ASH2L: variants seen among roughly 807,000 people sequenced by gnomAD.
ASH2L encodes ASH2 like, histone lysine methyltransferase complex subunit, also known as set1/Ash2 histone methyltransferase complex subunit ASH2.
Under a neutral mutation model 81.1 loss-of-function variants are expected in ASH2L, and 30 were observed. The observed-to-expected ratio is 0.37, with a 90% confidence interval of 0.28 to 0.50. ASH2L has a LOEUF of 0.50. ASH2L is among the 20% of genes least tolerant of loss of function. ASH2L has a pLI of 0.95. For synonymous variants in ASH2L, 273 were observed against 279.9 expected (o/e 0.98, Z 0.24); for missense variants, 559 against 792.1 (o/e 0.71, Z 3.53).
At chr8:38,131,670 T>A (rs942374788) in intron 12 of ASH2L, among the ~76,000 whole-genome samples, 1 of 152,088 alleles carries the variant, frequency 6.6e-6, no homozygotes, top group Non-Finnish European at 1.5e-5. Flanking sequence ...AAATAAATAA[T>A]TTTTAGTGAC....
chr8:38,117,981 C>G (rs1385484039), intron 8 of ASH2L, among the ~76,000 whole-genome samples: 1 of 152,148 alleles, frequency 6.6e-6, no homozygotes, highest in Non-Finnish European at 1.5e-5. Flanking sequence ...ATCGTTTGAA[C>G]CCAGGAGGCA....
intron 10 of ASH2L, among the ~76,000 whole-genome samples, chr8:38,127,179 A>AT (rs1554499861): frequency 6.7e-6 from 1 of 150,234 alleles, no homozygotes; most frequent in Non-Finnish European, 1.5e-5. Context: ...AAAAAAAAAA[A>AT]CTAGTCAAGA....
chr8:38,134,588 C>G (rs1469595083), intron 13 of ASH2L, among the ~76,000 whole-genome samples: 2 of 152,136 alleles, frequency 1.3e-5, no homozygotes, highest in South Asian at 2.1e-4. Context: ...GCTGGCACAT[C>G]TGGGCCAGCC....
intron 5 of ASH2L, among the ~76,000 whole-genome samples, chr8:38,113,885 G>C (rs1439409722): frequency 1.3e-5 from 2 of 152,204 alleles, no homozygotes; most frequent in African/African-American, 4.8e-5. Flanking sequence ...TAATTTGGGA[G>C]TCATCTTCCA....
At chr8:38,107,866 A>G (rs529574418) in intron 3 of ASH2L, among the ~76,000 whole-genome samples, 7 of 106,038 alleles carry the variant, frequency 6.6e-5, no homozygotes, top group Admixed American at 6.4e-4. Context: ...AGAAATACAT[A>G]TATGTGTGTG....
intron 9 of ASH2L, among the ~76,000 whole-genome samples, chr8:38,120,058 G>C (rs1048742367): frequency 2.6e-5 from 4 of 152,246 alleles, no homozygotes; most frequent in Non-Finnish European, 5.9e-5. Flanking sequence ...CCAGGAGGCA[G>C]AGGTTGTAGT....
chr8:38,125,482 G>T (rs187940508), intron 10 of ASH2L, among the ~76,000 whole-genome samples: 6 of 151,834 alleles, frequency 4.0e-5, no homozygotes, highest in East Asian at 1.9e-4. Flanking sequence ...TGCGGGCCTG[G>T]TGGTAATCCC....
At chr8:38,123,167 C>T (rs1251073177) in intron 10 of ASH2L, 2 of 149,670 alleles carry the variant, frequency 1.3e-5, no homozygotes, top group African/African-American at 4.9e-5. Flanking sequence ...TCACTGCAAC[C>T]TCTGCCTCCC....
chr8:38,137,017 C>T (rs192022418), intron 14 of ASH2L, among the ~76,000 whole-genome samples: 295 of 149,876 alleles, frequency 2.0e-3, no homozygotes, highest in African/African-American at 6.7e-3. Context: ...CACTTGAACC[C>T]GGGAGATGGA....
chr8:38,128,208 T>A, intron 10 of ASH2L, 83 bp from the exon 11 acceptor site: 1 of 1,514,364 alleles, frequency 6.6e-7, no homozygotes, highest in Non-Finnish European at 9.1e-7. Flanking sequence ...TTAAATTGTT[T>A]TATTGGACTA....
At chr8:38,111,800 T>C (rs1271577107) in intron 5 of ASH2L, among the ~76,000 whole-genome samples, 1 of 152,258 alleles carries the variant, frequency 6.6e-6, no homozygotes, top group African/African-American at 2.4e-5. Context: ...TTACCCAATA[T>C]TCTGTTATAC....
chr8:38,138,914 T>A (rs1802377005), intron 15 of ASH2L, 39 bp downstream of exon 15: 1 of 1,612,376 alleles, frequency 6.2e-7, no homozygotes, highest in South Asian at 1.1e-5. Context: ...GTCCTCAGCA[T>A]CTCCGTGGCT....
intron 3 of ASH2L, among the ~76,000 whole-genome samples, chr8:38,107,793 A>G (rs1367963886): frequency 6.6e-6 from 1 of 152,054 alleles, no homozygotes; most frequent in Admixed American, 6.6e-5. Flanking sequence ...TACATTTATA[A>G]AAGACTATCT....
intron 6 of ASH2L, chr8:38,114,663 A>T (rs1400029383): frequency 6.4e-6 from 3 of 471,518 alleles, no homozygotes. Context: ...CAAGCTGTTA[A>T]CAGTGCTTAT....
chr8:38,136,559 G>T (rs1802264509), intron 14 of ASH2L, among the ~76,000 whole-genome samples: 1 of 151,910 alleles, frequency 6.6e-6, no homozygotes, highest in African/African-American at 2.4e-5. Flanking sequence ...TGGATCACTT[G>T]AGGTCAGGGG....
chr8:38,106,711 A>G (rs1027437148), intron 2 of ASH2L, among the ~76,000 whole-genome samples: 1 of 151,816 alleles, frequency 6.6e-6, no homozygotes, highest in Admixed American at 6.6e-5. Flanking sequence ...GGGTTTCACC[A>G]TGTTGGCCAG....
At chr8:38,131,914 T>C (rs1802074538) in intron 12 of ASH2L, among the ~76,000 whole-genome samples, 2 of 151,904 alleles carry the variant, frequency 1.3e-5, no homozygotes, top group African/African-American at 4.8e-5. Flanking sequence ...TGGTACGCAG[T>C]CTCGGCATAC....
At chr8:38,108,257 T>C (rs958562672) in intron 3 of ASH2L, among the ~76,000 whole-genome samples, 3 of 152,194 alleles carry the variant, frequency 2.0e-5, no homozygotes, top group Admixed American at 6.5e-5. Context: ...TTGATCTTGG[T>C]AGCAACATCT....
intron 10 of ASH2L, among the ~76,000 whole-genome samples, chr8:38,127,322 TA>T (rs78451289): frequency 0.023 from 3,095 of 133,660 alleles, 45 homozygotes; most frequent in African/African-American, 0.059. Flanking sequence ...CCCTGGCTCT[TA>T]AAAAAAAAAA....
Sources: allele counts gnomAD v4.1 joint callset (sites outside exome capture counted in the v4.1 genomes callset), GRCh38; gene constraint gnomAD v4.1.1; transcripts MANE v1.5; gene names NCBI Gene and HGNC (gene_info 2026-07-23, HGNC 2026-07-21).